ZFHX3: variants seen among roughly 807,000 people sequenced by gnomAD.
The protein encoded by ZFHX3 is zinc finger homeobox 3.
ZFHX3 carries 42 observed loss-of-function variants against 279.1 expected under a neutral mutation model. The observed-to-expected ratio is 0.15, with a 90% CI of 0.12 to 0.19. ZFHX3 has a LOEUF of 0.19. ZFHX3 is among the 10% of genes least tolerant of loss of function. ZFHX3 has a pLI of 1.00. For missense variants in ZFHX3, 4,981 were observed against 4,754.0 expected (o/e 1.05, Z -1.40); for synonymous variants, 2,293 against 1,957.8 (o/e 1.17, Z -4.52).
intron 1 of ZFHX3, among the ~76,000 whole-genome samples, chr16:73,754,448 G>C (rs982800594): frequency 1.3e-5 from 2 of 151,956 alleles, no homozygotes; most frequent in African/African-American, 4.8e-5. Flanking sequence ...TGCTGAGCAG[G>C]TACCTCTCTG....
At chr16:73,587,405 A>G (rs1165606427) in intron 2 of ZFHX3, among the ~76,000 whole-genome samples, 5 of 152,248 alleles carry the variant, frequency 3.3e-5, no homozygotes, top group African/African-American at 1.2e-4. Context: ...CAATGGTTAG[A>G]TGTTGATGAA....
intron 1 of ZFHX3, among the ~76,000 whole-genome samples, chr16:73,046,061 C>T (rs910138367): frequency 3.3e-5 from 5 of 152,156 alleles, no homozygotes; most frequent in African/African-American, 1.2e-4. Context: ...ACTCCTTAGT[C>T]CTGTAATTTA....
intron 5 of ZFHX3, among the ~76,000 whole-genome samples, chr16:73,223,712 A>T (rs973521879): frequency 6.6e-6 from 1 of 152,204 alleles, no homozygotes; most frequent in South Asian, 2.1e-4. Context: ...TATTTACCCA[A>T]ATGAGTTGAA....
chr16:73,506,295 T>G (rs1191632537), intron 2 of ZFHX3, among the ~76,000 whole-genome samples: 2 of 152,176 alleles, frequency 1.3e-5, no homozygotes, highest in Non-Finnish European at 2.9e-5. Context: ...GGACCCAGTA[T>G]GTAGGAATGC....
rs577328051 is a variant in ZFHX3, at chr16:72,959,837, G to T, written c.309C>A (p.Arg103=). Reference sequence around the variant, plus strand: ...TCTCCTCTCTCAGGGGTGGCGGGGGGCGCGCGCTGGGGCAGTGGTGCTCCA... The same window carrying T: ...TCTCCTCTCTCAGGGGTGGCGGGGGTCGCGCGCTGGGGCAGTGGTGCTCCA... The part of the protein sequence containing the change: ...TYMEHHCPSA[R]PPPPLREESA... The change falls in exon 2 of 10, where the codon CGC becomes CGA. Residue 103 remains arginine, a synonymous_variant. Coordinates refer to ENST00000268489, the MANE Select transcript of ZFHX3 (RefSeq NM_006885.4). The T allele has an allele frequency of 2.6e-5, 42 of 1,594,824 alleles. No individual in the cohort carries two copies. In the African/African-American group the frequency reaches 4.1e-4, roughly 16 times the overall value.
intron 3 of ZFHX3, among the ~76,000 whole-genome samples, chr16:73,445,323 TG>T (rs943247909): frequency 1.3e-5 from 2 of 151,746 alleles, no homozygotes; most frequent in South Asian, 2.1e-4. Context: ...TGTATATGTA[TG>T]GGGGGGAGAG....
intron 2 of ZFHX3, among the ~76,000 whole-genome samples, chr16:73,628,682 C>T (rs1333411820): frequency 6.6e-6 from 1 of 152,196 alleles, no homozygotes; most frequent in Non-Finnish European, 1.5e-5. Flanking sequence ...ATTGGTAAAC[C>T]TCCAAGTTTC....
chr16:72,980,237 C>G (rs558460048), intron 1 of ZFHX3, among the ~76,000 whole-genome samples: 27 of 152,298 alleles, frequency 1.8e-4, no homozygotes, highest in Non-Finnish European at 2.5e-4. Context: ...GAAGCTACTC[C>G]GCATCATCCT....
intron 2 of ZFHX3, among the ~76,000 whole-genome samples, chr16:73,651,420 G>A (rs1255411706): frequency 6.6e-6 from 1 of 151,916 alleles, no homozygotes; most frequent in Non-Finnish European, 1.5e-5. Flanking sequence ...AGTTTGAGAA[G>A]CTGTTAAGAT....
intron 1 of ZFHX3, among the ~76,000 whole-genome samples, chr16:73,824,335 A>T (rs1055936126): frequency 2.0e-5 from 3 of 151,656 alleles, no homozygotes; most frequent in African/African-American, 7.3e-5. Flanking sequence ...TTTTCTTAAT[A>T]ATCTCCAAAA....
At chr16:73,314,258 C>T (rs1302588925) in intron 4 of ZFHX3, among the ~76,000 whole-genome samples, 1 of 152,194 alleles carries the variant, frequency 6.6e-6, no homozygotes, top group Non-Finnish European at 1.5e-5. Flanking sequence ...TCTGCACTAT[C>T]AGCACTCCTG....
At chr16:73,169,243 G>A (rs1967464127) in intron 5 of ZFHX3, among the ~76,000 whole-genome samples, 1 of 152,090 alleles carries the variant, frequency 6.6e-6, no homozygotes, top group Non-Finnish European at 1.5e-5. Context: ...TAGGTGGTGG[G>A]GATTCAGATA....
chr16:72,930,967 T>C (rs1959764708), intron 3 of ZFHX3, among the ~76,000 whole-genome samples: 1 of 152,236 alleles, frequency 6.6e-6, no homozygotes, highest in African/African-American at 2.4e-5. Flanking sequence ...CAAAACTTTC[T>C]TTTGCATTTC....
At chr16:73,109,905 A>G (rs918051805) in intron 7 of ZFHX3, among the ~76,000 whole-genome samples, 1 of 152,042 alleles carries the variant, frequency 6.6e-6, no homozygotes, top group Non-Finnish European at 1.5e-5. Context: ...TTTCATATTA[A>G]AAGCTTTTCA....
intron 2 of ZFHX3, among the ~76,000 whole-genome samples, chr16:73,648,631 C>G (rs146740813): frequency 1.3e-5 from 2 of 152,260 alleles, no homozygotes; most frequent in Admixed American, 1.3e-4. Flanking sequence ...AGGCTGGTCT[C>G]AAACCCCTGA....
chr16:73,890,545 T>G (rs2030500795), intron 1 of ZFHX3, among the ~76,000 whole-genome samples: 1 of 152,188 alleles, frequency 6.6e-6, no homozygotes, highest in South Asian at 2.1e-4. Context: ...AAGATTCGGT[T>G]TTTTAATTTT....
intron 2 of ZFHX3, among the ~76,000 whole-genome samples, chr16:73,670,266 T>C (rs2052890765): frequency 6.6e-6 from 1 of 152,174 alleles, no homozygotes. Context: ...AGAAAGTGTA[T>C]GATACCACGC....
chr16:73,759,536 C>G (rs1388007559), intron 1 of ZFHX3, among the ~76,000 whole-genome samples: 1 of 152,096 alleles, frequency 6.6e-6, no homozygotes, highest in Non-Finnish European at 1.5e-5. Flanking sequence ...TGAAACCTGG[C>G]TTTAGGAATT....
intron 8 of ZFHX3, among the ~76,000 whole-genome samples, chr16:73,075,268 C>A (rs978777281): frequency 2.0e-5 from 3 of 150,370 alleles, no homozygotes; most frequent in African/African-American, 7.3e-5. Context: ...GAGCCATGAT[C>A]ACACCACTGC....
Sources: allele counts gnomAD v4.1 joint callset (sites outside exome capture counted in the v4.1 genomes callset), GRCh38; gene constraint gnomAD v4.1.1; transcripts MANE v1.5; gene names NCBI Gene and HGNC (gene_info 2026-07-23, HGNC 2026-07-21).